Variants in RABGAP1 observed in about 807,000 individuals in gnomAD.
RABGAP1 encodes RAB GTPase activating protein 1, also known as rab GTPase-activating protein 1.
RABGAP1 carries 23 observed loss-of-function variants against 137.6 expected under a neutral mutation model. The observed-to-expected ratio is 0.17, with a 90% CI of 0.12 to 0.24. The LOEUF (loss-of-function observed/expected upper bound fraction) is 0.24, where lower values mean the gene tolerates loss of function less well. RABGAP1 is among the 10% of genes least tolerant of loss of function. RABGAP1 has a pLI of 1.00. For synonymous variants in RABGAP1, 451 were observed against 450.7 expected (o/e 1.00, Z -0.01); for missense variants, 906 against 1,275.8 (o/e 0.71, Z 4.42).
intron 10 of RABGAP1, among the ~76,000 whole-genome samples, chr9:123,001,302 A>G (rs567533150): frequency 6.6e-6 from 1 of 152,366 alleles, no homozygotes; most frequent in South Asian, 2.1e-4. Context: ...AGTACCTGGA[A>G]CATAGTAGTT....
rs1425739505 is a variant in RABGAP1, at chr9:123,010,370, G to A, written c.1391G>A (p.Arg464Lys). Residue 464 changes from arginine (R) to lysine (K), a missense_variant, in exon 11 of 26, where the codon AGA becomes AAA. Transcript: ENST00000373647. The part of the protein sequence containing the change: ...LKLKQIKQRE[R>K]KNNTDTLYEV... ...ATCTTCAAGATAAAGCAAAGGGAGA[G>A]AAAGAATAATACTGACACTTTATAT... 1.2e-6 allele frequency: 2 copies of A among 1,610,062 alleles called. No homozygotes were observed. The highest frequency in any genetic ancestry group is 3.3e-5 in the Admixed American group (2 of 59,786).
At chr9:123,014,701 G>T (rs1007717067) in intron 11 of RABGAP1, among the ~76,000 whole-genome samples, 21 of 130,410 alleles carry the variant, frequency 1.6e-4, no homozygotes, top group African/African-American at 5.8e-4. Flanking sequence ...TTGGTCTGTT[G>T]CCCATGCTGG....
intron 2 of RABGAP1, among the ~76,000 whole-genome samples, chr9:122,970,879 A>G (rs1275165364): frequency 1.3e-5 from 2 of 152,240 alleles, no homozygotes; most frequent in Non-Finnish European, 2.9e-5. Flanking sequence ...AATGTAACAA[A>G]CAGCTTTTTA....
At chr9:123,025,153 C>T (rs1682907458) in intron 13 of RABGAP1, among the ~76,000 whole-genome samples, 1 of 152,140 alleles carries the variant, frequency 6.6e-6, no homozygotes, top group African/African-American at 2.4e-5. Context: ...ACCAGTTGTG[C>T]TACTCCTATT....
chr9:122,939,103 C>T (rs1052719483), upstream of RABGAP1: 3 of 152,132 alleles, frequency 2.0e-5, no homozygotes, highest in South Asian at 2.1e-4. Flanking sequence ...GGAAATTTTC[C>T]TGTAACATTA....
intron 12 of RABGAP1, among the ~76,000 whole-genome samples, chr9:123,019,667 G>C (rs917442139): frequency 6.8e-6 from 1 of 146,840 alleles, no homozygotes; most frequent in African/African-American, 2.5e-5. Flanking sequence ...TATGTCCACT[G>C]ATTGGAATTT....
At chr9:123,019,794 GTTC>G (rs1427993622) in intron 12 of RABGAP1, among the ~76,000 whole-genome samples, 1 of 152,130 alleles carries the variant, frequency 6.6e-6, no homozygotes, top group Non-Finnish European at 1.5e-5. Context: ...GGTTCAAGCA[GTTC>G]TTCTGCCTCA....
At chr9:123,022,924 G>T (rs556591989) in intron 13 of RABGAP1, among the ~76,000 whole-genome samples, 260 of 152,136 alleles carry the variant, frequency 1.7e-3, no homozygotes, top group Non-Finnish European at 2.8e-3. Context: ...AATGTTTTTG[G>T]GGGGAGTAAG....
At chr9:122,989,240 C>T (rs922323242) in intron 4 of RABGAP1, 57 bp from the exon 5 acceptor site, 29 of 1,448,186 alleles carry the variant, frequency 2.0e-5, no homozygotes, top group Admixed American at 1.4e-4. Flanking sequence ...TTAATCTAAA[C>T]GTAGTGCAGA....
rs749436511 is a variant in RABGAP1 at position 122,998,757 on chromosome 9, A to G, written c.1365A>G (p.Lys455=). 21 of 1,590,992 alleles carry G rather than the reference A, an allele frequency of 1.3e-5. No individual in the cohort carries two copies. Among genetic ancestry groups the G allele is most frequent in the Non-Finnish European group, 1.7e-5 (20 of 1,164,120 alleles). The change falls in exon 10 of 26, where the codon AAA becomes AAG. Residue 455 remains lysine, a synonymous_variant. Transcript: ENST00000373647. Reference sequence around the variant, plus strand: ...GTACTACTGAAAATTTCTTTTTGAAACTAAAACAGGTACTGTATTTTTCTA... The same window carrying G: ...GTACTACTGAAAATTTCTTTTTGAAGCTAAAACAGGTACTGTATTTTTCTA... ...KRSTTENFFL[K]LKQIKQRERK...
rs543710248 is a variant in RABGAP1 at position 123,101,676 on chromosome 9, A to G, written c.3000A>G (p.Lys1000=). The G allele has an allele frequency of 9.3e-6, 15 of 1,614,000 alleles. No individual in the cohort carries two copies. In the East Asian group the frequency reaches 2.5e-4, roughly 26 times the overall value. ...TAGATGAGGACACGGATGAAGAGAA[A>G]GAGACGCTCAAGAACCAGCTGAGAG... ...EVLDEDTDEE[K]ETLKNQLREM... is the part of the protein sequence containing the mutation. Residue 1000 remains lysine, a synonymous_variant, in exon 25 of 26, where the codon AAA becomes AAG. Transcript: ENST00000373647.
chr9:123,103,122 A>T lies in RABGAP1; in HGVS notation c.3119A>T (p.Asn1040Ile), dbSNP rs371711354. Residue 1040 changes from asparagine (N) to isoleucine (I), a missense_variant, in exon 26 of 26, where the codon AAT becomes ATT. Coordinates refer to ENST00000373647, the MANE Select transcript of RABGAP1 (RefSeq NM_012197.4). ...DLEHHLGLAL[N>I]EVQAAKKTWF... ...GAACACCATTTAGGGCTTGCCCTCA[A>T]TGAGGTGCAGGCAGCCAAGAAGACG... 2 of 1,613,970 alleles carry T rather than the reference A, an allele frequency of 1.2e-6. No individual in the cohort carries two copies. The highest frequency in any genetic ancestry group is 1.3e-5 in the African/African-American group (1 of 74,928).
At chr9:123,073,512 C>A in intron 15 of RABGAP1, 40 bp from the exon 16 acceptor site, 1 of 1,580,426 alleles carries the variant, frequency 6.3e-7, no homozygotes, top group Non-Finnish European at 8.6e-7. Flanking sequence ...GATTCCCCAC[C>A]GCCATCCTCC....
At chr9:123,006,937 A>G (rs2030331693) in intron 10 of RABGAP1, among the ~76,000 whole-genome samples, 1 of 151,974 alleles carries the variant, frequency 6.6e-6, no homozygotes, top group Non-Finnish European at 1.5e-5. Flanking sequence ...ATGTTTTTAT[A>G]TCTGGTAGGT....
At chr9:122,988,166 T>G (rs1836464769) in intron 4 of RABGAP1, among the ~76,000 whole-genome samples, 1 of 152,250 alleles carries the variant, frequency 6.6e-6, no homozygotes, top group Non-Finnish European at 1.5e-5. Context: ...TTTAATATAT[T>G]TTTAATTCTA....
intron 13 of RABGAP1, among the ~76,000 whole-genome samples, chr9:123,031,594 G>A (rs2032302307): frequency 6.6e-6 from 1 of 152,126 alleles, no homozygotes; most frequent in South Asian, 2.1e-4. Flanking sequence ...TTGAAAGGAG[G>A]AAATGCATTT....
chr9:122,986,579 G>T (rs1195768550), intron 4 of RABGAP1, among the ~76,000 whole-genome samples, 160 bp downstream of exon 4: 1 of 152,136 alleles, frequency 6.6e-6, no homozygotes, highest in Non-Finnish European at 1.5e-5. Context: ...TGTGACCTTT[G>T]TGAAAAATGG....
chr9:122,998,989 C>T (rs926165023), intron 10 of RABGAP1, among the ~76,000 whole-genome samples: 7 of 152,246 alleles, frequency 4.6e-5, no homozygotes, highest in African/African-American at 9.6e-5. Flanking sequence ...ACTTTCAACC[C>T]GAAGAACAGC....
chr9:123,035,679 T>C lies in RABGAP1; in HGVS notation c.1794+15220T>C. The C allele has an allele frequency of 9.4e-6, 5 of 530,360 alleles. No individual in the cohort carries two copies. In the South Asian group the frequency reaches 1.4e-4, roughly 15 times the overall value. The allele number at this position is 530,360 out of a possible 1,614,324, so 32.9% of individuals were successfully genotyped here. ...GTGTGTGTGTGTGTGTGTGTGTGTG[T>C]GTGTATTTTATCTCTAAGTATTCCT... On this transcript the variant is annotated intron_variant, in intron 13 of 25. Coordinates refer to ENST00000373647, the MANE Select transcript of RABGAP1 (RefSeq NM_012197.4).
Sources: allele counts gnomAD v4.1 joint callset (sites outside exome capture counted in the v4.1 genomes callset), GRCh38; gene constraint gnomAD v4.1.1; transcripts MANE v1.5; gene names NCBI Gene and HGNC (gene_info 2026-07-23, HGNC 2026-07-21).